Variants in LRRC7 observed in about 807,000 individuals in gnomAD.
LRRC7 encodes the protein leucine-rich repeat-containing protein 7.
A neutral mutation model predicts 175.7 loss-of-function variants in LRRC7; 23 were observed. That is an observed-to-expected ratio of 0.13 (90% CI 0.09 to 0.19). LRRC7 has a LOEUF of 0.19. LRRC7 is among the 10% of genes least tolerant of loss of function. The pLI is 1.00. For missense variants in LRRC7, 1,354 were observed against 1,904.7 expected, an observed-to-expected ratio of 0.71 and a Z score of 5.38; for synonymous variants, 685 against 680.9, an observed-to-expected ratio of 1.01 and a Z score of -0.09.
chr1:70,037,515 A>G (rs1003742860), intron 20 of LRRC7, among the ~76,000 whole-genome samples: 3 of 152,226 alleles, frequency 2.0e-5, no homozygotes, highest in East Asian at 1.9e-4. Flanking sequence ...TATGCTCCCT[A>G]TACAATAGCA....
chr1:70,092,980 T>A (rs1017296434), intron 25 of LRRC7, among the ~76,000 whole-genome samples: 1 of 152,140 alleles, frequency 6.6e-6, no homozygotes, highest in Admixed American at 6.6e-5. Flanking sequence ...GCAGTTGATA[T>A]TGTCAAAACA....
intron 7 of LRRC7, among the ~76,000 whole-genome samples, chr1:69,880,927 T>A (rs532950379): frequency 6.6e-6 from 1 of 152,348 alleles, no homozygotes; most frequent in East Asian, 1.9e-4. Flanking sequence ...GAATAATGCA[T>A]CTTGCATTTA....
chr1:70,010,037 A>T (rs1570999855), intron 11 of LRRC7, among the ~76,000 whole-genome samples: 1 of 152,274 alleles, frequency 6.6e-6, no homozygotes, highest in African/African-American at 2.4e-5. Flanking sequence ...AGTGCTACTC[A>T]GTGAATTTCT....
chr1:69,710,829 G>C (rs946172122), intron 2 of LRRC7, among the ~76,000 whole-genome samples: 4 of 151,976 alleles, frequency 2.6e-5, no homozygotes, highest in African/African-American at 9.7e-5. Flanking sequence ...TCTTCTGCAG[G>C]GCTTATTCAT....
chr1:69,860,715 T>G (rs1188763681), intron 7 of LRRC7, among the ~76,000 whole-genome samples: 2 of 152,044 alleles, frequency 1.3e-5, no homozygotes, highest in Non-Finnish European at 2.9e-5. Flanking sequence ...ATGTAATATT[T>G]AGGAATAAGT....
At chr1:69,736,287 G>A (rs1049547213) in intron 2 of LRRC7, among the ~76,000 whole-genome samples, 2 of 152,070 alleles carry the variant, frequency 1.3e-5, no homozygotes, top group African/African-American at 4.8e-5. Flanking sequence ...GATTTATTCA[G>A]TAAACTAAGT....
intron 1 of LRRC7, among the ~76,000 whole-genome samples, chr1:69,581,189 A>G (rs181401663): frequency 6.6e-6 from 1 of 152,218 alleles, no homozygotes; most frequent in Non-Finnish European, 1.5e-5. Context: ...TTATGAACAC[A>G]AAAGTGGTGT....
At chr1:69,910,867 G>A (rs186366413) in intron 7 of LRRC7, among the ~76,000 whole-genome samples, 31 of 152,354 alleles carry the variant, frequency 2.0e-4, no homozygotes, top group Admixed American at 1.8e-3. Flanking sequence ...GAGCTTCCTG[G>A]CTGCTTTGTT....
chr1:69,639,979 G>A (rs1653963489), intron 1 of LRRC7, among the ~76,000 whole-genome samples: 1 of 151,692 alleles, frequency 6.6e-6, no homozygotes, highest in African/African-American at 2.4e-5. Flanking sequence ...TCTGGTTCTT[G>A]TTCTGTTGGC....
intron 1 of LRRC7, among the ~76,000 whole-genome samples, chr1:69,596,706 G>T (rs1646861265): frequency 6.6e-6 from 1 of 152,170 alleles, no homozygotes; most frequent in African/African-American, 2.4e-5. Flanking sequence ...TTCTCCTTTA[G>T]AATTAAAACT....
At chr1:69,893,764 A>G (rs1645902367) in intron 7 of LRRC7, among the ~76,000 whole-genome samples, 1 of 152,160 alleles carries the variant, frequency 6.6e-6, no homozygotes, top group South Asian at 2.1e-4. Flanking sequence ...ATGCTATTTT[A>G]AGAGATTTTT....
chr1:69,677,613 G>A (rs1659955787), intron 1 of LRRC7, among the ~76,000 whole-genome samples: 1 of 152,040 alleles, frequency 6.6e-6, no homozygotes, highest in Non-Finnish European at 1.5e-5. Context: ...CATTCTGGCT[G>A]GGGTAAGGTG....
At chr1:69,751,970 C>G (rs1669892148) in intron 2 of LRRC7, among the ~76,000 whole-genome samples, 1 of 152,042 alleles carries the variant, frequency 6.6e-6, no homozygotes, top group South Asian at 2.1e-4. Flanking sequence ...ACTGGTTTCC[C>G]TGTATTGATA....
chr1:69,738,657 A>G (rs1668381032), intron 2 of LRRC7, among the ~76,000 whole-genome samples: 1 of 152,092 alleles, frequency 6.6e-6, no homozygotes, highest in Non-Finnish European at 1.5e-5. Context: ...GAGAAAAAGA[A>G]AGACTATTTT....
At chr1:69,572,283 A>T (rs542723914) in intron 1 of LRRC7, among the ~76,000 whole-genome samples, 85 of 152,274 alleles carry the variant, frequency 5.6e-4, no homozygotes, top group African/African-American at 1.8e-3. Context: ...AAGAAATAAA[A>T]TTTTAATATA....
intron 25 of LRRC7, among the ~76,000 whole-genome samples, chr1:70,097,001 C>T (rs1664453309): frequency 6.6e-6 from 1 of 152,218 alleles, no homozygotes; most frequent in South Asian, 2.1e-4. Context: ...TTTAAATACA[C>T]TGTCAGTCTC....
rs1652709612 is a variant in LRRC7 at position 69,632,714 on chromosome 1, G to A, written c.3-45667G>A. Among the ~76,000 whole-genome samples, 4 of 152,034 alleles carry A rather than the reference G, an allele frequency of 2.6e-5. No individual in the cohort carries two copies. The South Asian group carries it at 8.3e-4, about 32-fold the overall frequency. On this transcript the variant is annotated intron_variant, in intron 1 of 26. Transcript: ENST00000651989. ...ACTTTTCCCCAAGCAGACACTAAGT[G>A]CCATCCAAGCAAGTACCGAATTTAT...
chr1:69,823,726 C>T (rs1679570824), intron 4 of LRRC7, among the ~76,000 whole-genome samples: 1 of 152,146 alleles, frequency 6.6e-6, no homozygotes, highest in African/African-American at 2.4e-5. Context: ...TCTTGACTTA[C>T]ATCCTCTGAT....
intron 7 of LRRC7, among the ~76,000 whole-genome samples, chr1:69,925,954 C>T (rs1461964066): frequency 6.7e-6 from 1 of 149,880 alleles, no homozygotes; most frequent in Non-Finnish European, 1.5e-5. Flanking sequence ...ATAAATTTCC[C>T]TCTACACACT....
Sources: gnomAD v4.1 joint callset for allele counts (sites outside exome capture counted in the v4.1 genomes callset) on GRCh38, gnomAD v4.1.1 for gene constraint, MANE v1.5 for transcripts, NCBI Gene and HGNC (gene_info 2026-07-23, HGNC 2026-07-21) for gene names.